CALB2: variants seen among roughly 807,000 people sequenced by gnomAD.
CALB2 encodes the protein calbindin 2, also known as calretinin.
A neutral mutation model predicts 45.9 loss-of-function variants in CALB2; 34 were observed. That is an observed-to-expected ratio of 0.74 (90% CI 0.56 to 0.99). CALB2 has a LOEUF of 0.99. Among genes scored for constraint, CALB2 ranks in the 50% least tolerant of loss-of-function variants. CALB2 has a pLI of 0.00. For missense variants in CALB2, 344 were observed against 339.3 expected (o/e 1.01, Z -0.11); for synonymous variants, 142 against 129.6 (o/e 1.10, Z -0.65).
chr16:71,373,772 C>T (rs2042379923), intron 2 of CALB2, among the ~76,000 whole-genome samples: 1 of 152,200 alleles, frequency 6.6e-6, no homozygotes, highest in African/African-American at 2.4e-5. Context: ...TACTGTACAA[C>T]TTAAATAAGA....
chr16:71,369,315 G>A (rs2042320305), intron 1 of CALB2, among the ~76,000 whole-genome samples: 1 of 152,206 alleles, frequency 6.6e-6, no homozygotes, highest in East Asian at 1.9e-4. Context: ...CAGAGGTGGT[G>A]TCCTCTAATC....
intron 1 of CALB2, among the ~76,000 whole-genome samples, chr16:71,364,644 C>G (rs575618426): frequency 1.3e-5 from 2 of 152,300 alleles, no homozygotes; most frequent in South Asian, 4.1e-4. Context: ...GGGACTCAGC[C>G]CAGCATTAGG....
chr16:71,359,571 G>T (rs2042217613), intron 1 of CALB2, among the ~76,000 whole-genome samples: 1 of 152,106 alleles, frequency 6.6e-6, no homozygotes, highest in Non-Finnish European at 1.5e-5. Context: ...CTCTGGGTAG[G>T]GGGAGGCACC....
At chr16:71,385,462 AC>A in intron 9 of CALB2, 114 bp from the exon 10 acceptor site, 1 of 738,220 alleles carries the variant, frequency 1.4e-6, no homozygotes, top group South Asian at 2.1e-5. Context: ...CGATCTGAAC[AC>A]CCCCTTTTGC....
intron 1 of CALB2, among the ~76,000 whole-genome samples, chr16:71,371,486 G>A (rs571350327): frequency 6.6e-6 from 1 of 152,308 alleles, no homozygotes; most frequent in South Asian, 2.1e-4. Flanking sequence ...CTCTGCTAGA[G>A]CTCTGAGGGT....
At chr16:71,366,324 CTTT>C (rs1242997452) in intron 1 of CALB2, among the ~76,000 whole-genome samples, 1 of 46,146 alleles carries the variant, frequency 2.2e-5, no homozygotes. Flanking sequence ...AGTGCCTGGC[CTTT>C]TTTTTTTTTT....
At chr16:71,387,814 T>C (rs181788280) in intron 10 of CALB2, among the ~76,000 whole-genome samples, 10 of 152,314 alleles carry the variant, frequency 6.6e-5, no homozygotes, top group African/African-American at 2.4e-4. Context: ...CAGTGTTATG[T>C]GACATTTCCA....
chr16:71,374,923 GGAGT>G, intron 3 of CALB2, 89 bp downstream of exon 3: 1 of 879,516 alleles, frequency 1.1e-6, no homozygotes, highest in Non-Finnish European at 1.8e-6. Context: ...GCTGAGGATT[GGAGT>G]GAGGTGGGGG....
intron 4 of CALB2, among the ~76,000 whole-genome samples, chr16:71,378,732 G>C (rs1385012322): frequency 6.6e-6 from 1 of 152,180 alleles, no homozygotes; most frequent in African/African-American, 2.4e-5. Flanking sequence ...ATTTGTTGTG[G>C]TCATTTGCAT....
In CALB2 at chr16:71,381,912, G is replaced by A. The variant is rs553458188; in HGVS notation, c.343-807G>A. 2.0e-5 allele frequency among the ~76,000 whole-genome samples: 3 copies of A among 151,934 alleles called. No individual in the cohort carries two copies. In the East Asian group the frequency reaches 5.8e-4, roughly 29 times the overall value. ...CGCCTGTAGTCCGAGGCACTTGGGAGGTTAAGCTGGGAGGATCACTTGAGC... is the reference window on the plus strand; with the variant it reads ...CGCCTGTAGTCCGAGGCACTTGGGAAGTTAAGCTGGGAGGATCACTTGAGC... On this transcript the variant is annotated intron_variant, in intron 4 of 10. Coordinates refer to ENST00000302628, the MANE Select transcript of CALB2 (RefSeq NM_001740.5).
Position 71,374,724 on chromosome 16 carries a change from GC to G in CALB2, c.172-16del, listed in dbSNP as rs764781594. On this transcript the variant is annotated intron_variant, in intron 2 of 10. Transcript: ENST00000302628. ...ACATGAGATACAGCAGCAAAAATCA[GC>G]CCCCTTTGTCTTTCCACAGATGTCA... 1.3e-6 allele frequency: 2 copies of G among 1,546,834 alleles called. No individual in the cohort carries two copies. Among genetic ancestry groups the G allele is most frequent in the Non-Finnish European group, 8.9e-7 (1 of 1,119,382 alleles).
At chr16:71,368,197 C>T (rs1010473395) in intron 1 of CALB2, among the ~76,000 whole-genome samples, 23 of 152,340 alleles carry the variant, frequency 1.5e-4, no homozygotes, top group African/African-American at 5.5e-4. Flanking sequence ...TTTGCACCTC[C>T]AGTGCCTGCA....
Position 71,380,292 on chromosome 16 carries a change from C to CTTTT in CALB2, c.343-2395_343-2392dup, listed in dbSNP as rs544138378. On this transcript the variant is annotated intron_variant, in intron 4 of 10. Transcript: ENST00000302628. ...CTTTCTTTCTTCTTTCCTTCCTTTT[C>CTTTT]TTTTTTTTTTTTTTTTTTTTTTTTT... Among the ~76,000 whole-genome samples the CTTTT allele has an allele frequency of 5.7e-3, 248 of 43,724 alleles. 6 individuals carry two copies. Among genetic ancestry groups the CTTTT allele is most frequent in the Middle Eastern group, 0.015 (1 of 66 alleles). The allele number at this position is 43,724 out of a possible 152,430, so 28.7% of individuals were successfully genotyped here.
At chr16:71,362,282 G>A (rs769425901) in intron 1 of CALB2, among the ~76,000 whole-genome samples, 1 of 152,122 alleles carries the variant, frequency 6.6e-6, no homozygotes, top group East Asian at 1.9e-4. Flanking sequence ...GACCATCTGC[G>A]AGCAGCAAAG....
At chr16:71,380,982 C>T (rs903012548) in intron 4 of CALB2, among the ~76,000 whole-genome samples, 5 of 152,160 alleles carry the variant, frequency 3.3e-5, no homozygotes, top group Non-Finnish European at 5.9e-5. Context: ...AGAGGAGGCA[C>T]GTGGGGGAGC....
chr16:71,368,153 G>A (rs2042308477), intron 1 of CALB2, among the ~76,000 whole-genome samples: 1 of 152,146 alleles, frequency 6.6e-6, no homozygotes, highest in African/African-American at 2.4e-5. Flanking sequence ...CCCCATTACA[G>A]CATAAGCCCC....
At chr16:71,369,097 C>G (rs2042317767) in intron 1 of CALB2, among the ~76,000 whole-genome samples, 1 of 152,144 alleles carries the variant, frequency 6.6e-6, no homozygotes, top group African/African-American at 2.4e-5. Context: ...ATCTTTCCAA[C>G]CTGAAGAAAG....
intron 5 of CALB2, among the ~76,000 whole-genome samples, 181 bp from the exon 6 acceptor site, chr16:71,383,185 AG>A: frequency 6.6e-6 from 1 of 152,320 alleles, no homozygotes; most frequent in African/African-American, 2.4e-5. Context: ...ACCACCAGCT[AG>A]TACAGCCTTA....
chr16:71,388,574 T>C (rs932217684), intron 10 of CALB2, among the ~76,000 whole-genome samples: 6 of 152,090 alleles, frequency 3.9e-5, no homozygotes, highest in African/African-American at 4.8e-5. Context: ...TATGAGACAA[T>C]GGGCATATGT....
Sources: gnomAD v4.1 joint callset for allele counts (sites outside exome capture counted in the v4.1 genomes callset) on GRCh38, gnomAD v4.1.1 for gene constraint, MANE v1.5 for transcripts, NCBI Gene and HGNC (gene_info 2026-07-23, HGNC 2026-07-21) for gene names.